KAT2B: variants seen among roughly 807,000 people sequenced by gnomAD.
KAT2B encodes the protein histone acetyltransferase KAT2B.
Under a neutral mutation model 105.9 loss-of-function variants are expected in KAT2B, and 36 were observed. The observed-to-expected ratio is 0.34, with a 90% CI of 0.26 to 0.45. The LOEUF is 0.45. KAT2B is among the 20% of genes least tolerant of loss of function. KAT2B has a pLI of 1.00. For missense variants in KAT2B, 820 were observed against 1,021.6 expected (o/e 0.80, Z 2.69); for synonymous variants, 397 against 377.9 (o/e 1.05, Z -0.59).
intron 2 of KAT2B, among the ~76,000 whole-genome samples, chr3:20,072,725 A>G (rs1284510097): frequency 6.6e-6 from 1 of 152,156 alleles, no homozygotes; most frequent in African/African-American, 2.4e-5. Flanking sequence ...AAACATGACA[A>G]TCGAGCTAGT....
At chr3:20,137,399 T>G (rs887836104) in intron 12 of KAT2B, among the ~76,000 whole-genome samples, 5 of 152,222 alleles carry the variant, frequency 3.3e-5, no homozygotes, top group Admixed American at 6.5e-5. Flanking sequence ...ATTCAGTTTC[T>G]GGAAGGCCTC....
At chr3:20,086,982 A>G (rs762240111) in intron 2 of KAT2B, among the ~76,000 whole-genome samples, 16 of 152,084 alleles carry the variant, frequency 1.1e-4, no homozygotes, top group Non-Finnish European at 1.9e-4. Context: ...GGGTTTCACC[A>G]TGTTGGCCAG....
intron 1 of KAT2B, among the ~76,000 whole-genome samples, chr3:20,070,323 T>TTG (rs1698299315): frequency 1.8e-5 from 1 of 56,532 alleles, no homozygotes; most frequent in African/African-American, 9.0e-5. Flanking sequence ...TTTTTTTTTT[T>TTG]GAGATGGAGT....
intron 2 of KAT2B, among the ~76,000 whole-genome samples, chr3:20,092,125 T>C (rs1559310101): frequency 1.3e-5 from 2 of 152,230 alleles, no homozygotes; most frequent in Non-Finnish European, 2.9e-5. Flanking sequence ...TGCTTTGTCA[T>C]TGATTTTCTG....
chr3:20,109,555 C>T (rs1195791908), intron 5 of KAT2B, among the ~76,000 whole-genome samples: 1 of 152,070 alleles, frequency 6.6e-6, no homozygotes, highest in African/African-American at 2.4e-5. Context: ...TGGGCTCAAG[C>T]GATCTTCCTG....
At position 20,104,102 on chromosome 3, in the gene KAT2B, G is replaced by C. The variant is rs141225309; in HGVS notation, c.851+2634G>C. Among the ~76,000 whole-genome samples, 5 of 152,302 alleles carry C rather than the reference G, an allele frequency of 3.3e-5. No individual in the cohort carries two copies. In the East Asian group the frequency reaches 9.6e-4, roughly 29 times the overall value. On this transcript the variant is annotated intron_variant, in intron 5 of 17. Coordinates refer to ENST00000263754, the MANE Select transcript of KAT2B (RefSeq NM_003884.5). ...CTTAAATGTATAATTGAGTGAGTGT[G>C]TAATTATTTGAATATCGCTTTAGAA...
At chr3:20,054,674 G>A (rs1389861096) in intron 1 of KAT2B, among the ~76,000 whole-genome samples, 1 of 152,212 alleles carries the variant, frequency 6.6e-6, no homozygotes, top group African/African-American at 2.4e-5. Flanking sequence ...GATGAGACCT[G>A]AGTAATATCA....
Position 20,152,544 on chromosome 3 carries a change from T to G in KAT2B, c.*19T>G. On this transcript the variant is annotated 3_prime_UTR_variant, in exon 18 of 18. Transcript: ENST00000263754. ...CAAGTGATTTTTTTTCCCCTCTGCTTCTTAGAAACTCACCAAGCAGTGTGC... is the reference window on the plus strand; with the variant it reads ...CAAGTGATTTTTTTTCCCCTCTGCTGCTTAGAAACTCACCAAGCAGTGTGC... 1 of 1,596,234 alleles carries G rather than the reference T, an allele frequency of 6.3e-7. No homozygotes were observed. The highest frequency in any genetic ancestry group is 8.6e-7 in the Non-Finnish European group (1 of 1,166,160).
Position 20,152,570 on chromosome 3 carries a change from C to G in KAT2B, c.*45C>G. ...CTTAGAAACTCACCAAGCAGTGTGC[C>G]TAAAGCAAGGTGGTTTAGTTTTTTA... On this transcript the variant is annotated 3_prime_UTR_variant, in exon 18 of 18. Transcript: ENST00000263754. The G allele has an allele frequency of 6.7e-7, 1 of 1,496,712 alleles. No homozygotes were observed. Among genetic ancestry groups the G allele is most frequent in the Non-Finnish European group, 9.2e-7 (1 of 1,083,706 alleles). The allele number at this position is 1,496,712 out of a possible 1,614,324, so 92.7% of individuals were successfully genotyped here. A position where few individuals can be genotyped will look rare whatever the true frequency, so the allele number is the denominator to read the frequency against.
chr3:20,074,423 A>G (rs905746123), intron 2 of KAT2B, among the ~76,000 whole-genome samples: 5 of 152,090 alleles, frequency 3.3e-5, no homozygotes, highest in East Asian at 3.9e-4. Context: ...AGTTTTTTCA[A>G]CTCTGAAATG....
chr3:20,052,345 T>A (rs1697929676), intron 1 of KAT2B, among the ~76,000 whole-genome samples: 1 of 152,236 alleles, frequency 6.6e-6, no homozygotes, highest in Non-Finnish European at 1.5e-5. Flanking sequence ...AAGCGGAGAT[T>A]TGGGTTCATG....
intron 17 of KAT2B, among the ~76,000 whole-genome samples, chr3:20,151,386 C>A (rs1188058475): frequency 1.3e-5 from 2 of 151,946 alleles, no homozygotes; most frequent in Admixed American, 6.6e-5. Flanking sequence ...AGGTTTCTTT[C>A]CCCCTGGAAA....
intron 1 of KAT2B, among the ~76,000 whole-genome samples, chr3:20,056,080 G>A (rs572391157): frequency 6.6e-5 from 10 of 152,056 alleles, no homozygotes; most frequent in Admixed American, 3.3e-4. Flanking sequence ...TTAGATTTCC[G>A]GTTTGAAGTG....
intron 2 of KAT2B, among the ~76,000 whole-genome samples, chr3:20,080,048 C>T (rs916626090): frequency 1.3e-5 from 2 of 152,174 alleles, no homozygotes; most frequent in East Asian, 1.9e-4. Flanking sequence ...CCTCATTATT[C>T]CTTGCCTGTG....
At position 20,122,554 on chromosome 3, in the gene KAT2B, A is replaced by G. The variant is rs1359609768; in HGVS notation, c.1277-114A>G. 1.4e-5 allele frequency: 10 copies of G among 723,350 alleles called. No homozygotes were observed. In the Admixed American group the frequency reaches 2.6e-4, roughly 18 times the overall value. The allele number at this position is 723,350 out of a possible 1,614,324, so 44.8% of individuals were successfully genotyped here. A position where few individuals can be genotyped will look rare whatever the true frequency, so the allele number is the denominator to read the frequency against. On this transcript the variant is annotated intron_variant, in intron 8 of 17. Transcript: ENST00000263754. The stretch of plus-strand genomic sequence containing the variant: ...CTTTGTCACCCCTTCCCCTGGTGGT[A>G]AAGATAGAGTTGACCTCCATGCCCA...
chr3:20,140,432 T>C, intron 13 of KAT2B, 68 bp downstream of exon 13: 2 of 1,540,704 alleles, frequency 1.3e-6, no homozygotes, highest in South Asian at 1.1e-5. Context: ...TTGCATTTCC[T>C]TGGGTGCTGC....
intron 1 of KAT2B, among the ~76,000 whole-genome samples, chr3:20,054,914 G>A (rs1697980657): frequency 6.6e-6 from 1 of 152,188 alleles, no homozygotes; most frequent in Non-Finnish European, 1.5e-5. Flanking sequence ...TGCTACATGT[G>A]CAAAAGGAAG....
At position 20,147,754 on chromosome 3, in the gene KAT2B, T is replaced by G. The variant is rs1288383722; in HGVS notation, c.2120-209T>G. On this transcript the variant is annotated intron_variant, in intron 14 of 17. Transcript: ENST00000263754. The stretch of plus-strand genomic sequence containing the variant: ...GGTTGGTGTTCCTGCTTTAAAACAC[T>G]AACATATGGGGCAGCGTTGTTAGTC... Among the ~76,000 whole-genome samples the G allele has an allele frequency of 2.0e-5, 3 of 152,356 alleles. No homozygotes were observed. The East Asian group carries it at 5.8e-4, about 29-fold the overall frequency.
chr3:20,137,140 A>T, intron 12 of KAT2B, 88 bp downstream of exon 12: 1 of 698,946 alleles, frequency 1.4e-6, no homozygotes, highest in Admixed American at 2.2e-5. Flanking sequence ...TTTCTCCCCC[A>T]GTGTTTTCTA....
Sources: allele counts gnomAD v4.1 joint callset (sites outside exome capture counted in the v4.1 genomes callset), GRCh38; gene constraint gnomAD v4.1.1; transcripts MANE v1.5; gene names NCBI Gene and HGNC (gene_info 2026-07-23, HGNC 2026-07-21).